The following CASTOR2 variants were observed in gnomAD, a reference collection of about 807,000 sequenced individuals.
The protein encoded by CASTOR2 is GATS protein like 2.
In CASTOR2, 8 loss-of-function variants were observed where a neutral mutation model predicts 31.2. The observed-to-expected ratio is 0.26, with a 90% CI of 0.15 to 0.46. The LOEUF is 0.46. CASTOR2 is among the 20% of genes least tolerant of loss of function. The pLI is 0.99. For synonymous variants in CASTOR2, 162 were observed against 158.7 expected (o/e 1.02, Z -0.16); for missense variants, 216 against 382.1 (o/e 0.57, Z 3.62).
At chr7:74,988,323 A>C (rs1469714581) in intron 1 of CASTOR2, among the ~76,000 whole-genome samples, 8 of 150,974 alleles carry the variant, frequency 5.3e-5, no homozygotes, top group African/African-American at 1.7e-4. Flanking sequence ...TTTGAGACTG[A>C]GTCTCACTCT....
intron 1 of CASTOR2, among the ~76,000 whole-genome samples, chr7:74,972,091 G>A (rs1421927878): frequency 6.8e-6 from 1 of 148,118 alleles, no homozygotes; most frequent in African/African-American, 2.5e-5. Flanking sequence ...GTATCCTCCT[G>A]CCTCAGCCGC....
At chr7:75,007,414 T>C (rs1449479359) in intron 1 of CASTOR2, among the ~76,000 whole-genome samples, 1 of 152,140 alleles carries the variant, frequency 6.6e-6, no homozygotes. Context: ...TCAGAGATGA[T>C]GTGAGGTGGG....
At position 75,025,192 on chromosome 7, in the gene CASTOR2, C is replaced by CT. The variant is rs1375067112; in HGVS notation, c.*494dup. ...GGTCTCTGCTTCCATCAGCTCAGGGCTGGTTCCCTCGGAGTGGAGGCCAGC... is the reference window on the plus strand; with the variant it reads ...GGTCTCTGCTTCCATCAGCTCAGGGCTTGGTTCCCTCGGAGTGGAGGCCAGC... On this transcript the variant is annotated 3_prime_UTR_variant, in exon 9 of 9. Coordinates refer to ENST00000616305, the MANE Select transcript of CASTOR2 (RefSeq NM_001145064.3). Among the ~76,000 whole-genome samples the CT allele has an allele frequency of 2.6e-5, 4 of 152,230 alleles. No individual in the cohort carries two copies. The highest frequency in any genetic ancestry group is 7.2e-5 in the African/African-American group (3 of 41,460).
chr7:75,024,624 C>T lies in CASTOR2; in HGVS notation c.925-10C>T. 3 of 1,551,566 alleles carry T rather than the reference C, an allele frequency of 1.9e-6. No homozygotes were observed. The highest frequency in any genetic ancestry group is 2.6e-6 in the Non-Finnish European group (3 of 1,146,838). ...ACGGGCAGGCATCTGCCTCCTCTAC[C>T]CCTGCACAGGTCCCCGAAGAGAACA... is the stretch of plus-strand genomic sequence containing the variant. On this transcript the variant is annotated splice_polypyrimidine_tract_variant and intron_variant, in intron 8 of 8. Coordinates refer to ENST00000616305, the MANE Select transcript of CASTOR2 (RefSeq NM_001145064.3).
chr7:74,970,255 C>G (rs1803650319), intron 1 of CASTOR2, among the ~76,000 whole-genome samples: 1 of 133,444 alleles, frequency 7.5e-6, no homozygotes, highest in Non-Finnish European at 1.7e-5. Context: ...TGAACCAGGC[C>G]TCTGCCCAGG....
At chr7:74,982,395 C>T (rs1288134739) in intron 1 of CASTOR2, among the ~76,000 whole-genome samples, 1 of 151,840 alleles carries the variant, frequency 6.6e-6, no homozygotes, top group Non-Finnish European at 1.5e-5. Flanking sequence ...GGGCTTGGCC[C>T]CAGGCGAGTG....
At chr7:75,011,658 C>T (rs1804748289) in intron 2 of CASTOR2, among the ~76,000 whole-genome samples, 1 of 149,714 alleles carries the variant, frequency 6.7e-6, no homozygotes, top group Non-Finnish European at 1.5e-5. Flanking sequence ...ATGTCGTGAA[C>T]CCGGGAGGCG....
At position 75,017,710 on chromosome 7, in the gene CASTOR2, C is replaced by T. The variant is rs1247500673; in HGVS notation, c.297C>T (p.Ile99=). ...CCCAGCCCATCGGCGTGACCAAGATCGCCAAGTCAGTCATCGCCCCACTGG... is the reference window on the plus strand; with the variant it reads ...CCCAGCCCATCGGCGTGACCAAGATTGCCAAGTCAGTCATCGCCCCACTGG... ...SSSQPIGVTK[I]AKSVIAPLAD... is the part of the protein sequence containing the mutation. The change falls in exon 3 of 9, where the codon ATC becomes ATT. Residue 99 remains isoleucine (I), a synonymous_variant. Transcript: ENST00000616305. The T allele has an allele frequency of 8.9e-5, 143 of 1,614,040 alleles. No individual in the cohort carries two copies. The African/African-American group carries it at 1.5e-3, about 16-fold the overall frequency.
chr7:75,025,832 A>G lies in CASTOR2; in HGVS notation c.*1133A>G, dbSNP rs943191577. On this transcript the variant is annotated 3_prime_UTR_variant, in exon 9 of 9. Transcript: ENST00000616305. Reference sequence around the variant, plus strand: ...TTTGAGTTCTGTCAAGGGAGCCTGGAGGCTCTGTGTCACTAAGCTGGTGCT... The same window carrying G: ...TTTGAGTTCTGTCAAGGGAGCCTGGGGGCTCTGTGTCACTAAGCTGGTGCT... Among the ~76,000 whole-genome samples the G allele has an allele frequency of 6.6e-6, 1 of 152,212 alleles. No individual in the cohort carries two copies. The highest frequency in any genetic ancestry group is 2.4e-5 in the African/African-American group (1 of 41,454).
chr7:74,994,539 AG>A (rs1804293633), intron 1 of CASTOR2, among the ~76,000 whole-genome samples: 1 of 152,128 alleles, frequency 6.6e-6, no homozygotes, highest in African/African-American at 2.4e-5. Flanking sequence ...TCATGAGATC[AG>A]GAGTTCGAGA....
At position 75,031,394 on chromosome 7, in the gene CASTOR2, T is replaced by C. The variant is rs1235503438; in HGVS notation, c.*6695T>C. On this transcript the variant is annotated 3_prime_UTR_variant, in exon 9 of 9. Coordinates refer to ENST00000616305, the MANE Select transcript of CASTOR2 (RefSeq NM_001145064.3). ...ACCCCCCCGGGGCCCTCAAGCTTAT[T>C]TTCTTGTTGAAGAAACACAAAACCC... Among the ~76,000 whole-genome samples the C allele has an allele frequency of 6.6e-6, 1 of 152,212 alleles. No homozygotes were observed. The highest frequency in any genetic ancestry group is 1.5e-5 in the Non-Finnish European group (1 of 68,038).
chr7:74,983,624 T>A (rs1316020349), intron 1 of CASTOR2, among the ~76,000 whole-genome samples: 1 of 151,762 alleles, frequency 6.6e-6, no homozygotes, highest in Middle Eastern at 3.4e-3. Context: ...CCTGACCCCC[T>A]CTGCAAGCTT....
In CASTOR2 at chr7:74,990,388, AAAAAAACAAAAAC is replaced by A. The variant is rs1278183709; in HGVS notation, c.114-17596_114-17584del. On this transcript the variant is annotated intron_variant, in intron 1 of 8. Transcript: ENST00000616305. Reference sequence around the variant, plus strand: ...GGATGGCGAGACTCTATCTCAAAAAAAAAAAACAAAAACAAAAAACAACAACAACAACAAAAAA... The same window carrying A: ...GGATGGCGAGACTCTATCTCAAAAAAAAAAAACAACAACAACAACAAAAAA... Among the ~76,000 whole-genome samples the A allele has an allele frequency of 5.0e-4, 75 of 151,484 alleles. 4 individuals carry two copies. Among genetic ancestry groups the A allele is most frequent in the African/African-American group, 1.8e-3 (73 of 41,388 alleles).
chr7:75,020,291 G>A (rs1804963737), intron 6 of CASTOR2, 142 bp downstream of exon 6: 1 of 819,304 alleles, frequency 1.2e-6, no homozygotes, highest in Non-Finnish European at 2.0e-6. Flanking sequence ...CGCCCAGGCT[G>A]GGGTGCAGTG....
chr7:74,993,771 G>C (rs1237603897), intron 1 of CASTOR2, among the ~76,000 whole-genome samples: 3 of 148,520 alleles, frequency 2.0e-5, no homozygotes, highest in African/African-American at 7.5e-5. Context: ...TTATTTGCTG[G>C]TGAACTGGTG....
chr7:75,027,882 C>T lies in CASTOR2; in HGVS notation c.*3183C>T. ...TTTTTCCCAGGCAGGGGCCGTCTGC[C>T]CTTGTCCCCCAGCTATCTCCTGGTC... On this transcript the variant is annotated 3_prime_UTR_variant, in exon 9 of 9. Transcript: ENST00000616305. 1.1e-6 allele frequency: 1 copy of T among 897,608 alleles called. No homozygotes were observed. The highest frequency in any genetic ancestry group is 1.4e-5 in the South Asian group (1 of 70,252). 55.6% of individuals were successfully genotyped at this position (897,608 alleles called of 1,614,324 possible).
intron 2 of CASTOR2, 96 bp from the exon 3 acceptor site, chr7:75,017,502 C>T (rs1554439982): frequency 1.4e-6 from 2 of 1,430,794 alleles, no homozygotes; most frequent in African/African-American, 1.4e-5. Context: ...GAGCTGGCCC[C>T]AGAGCATCAC....
chr7:75,030,827 A>G lies in CASTOR2; in HGVS notation c.*6128A>G, dbSNP rs1805282431. Reference sequence around the variant, plus strand: ...GAAGGGGCTGGGGCTGCCCGTGCTGACTCTTCAAAGGCATCCCATCCTGCA... The same window carrying G: ...GAAGGGGCTGGGGCTGCCCGTGCTGGCTCTTCAAAGGCATCCCATCCTGCA... On this transcript the variant is annotated 3_prime_UTR_variant, in exon 9 of 9. Transcript: ENST00000616305. 6.6e-6 allele frequency among the ~76,000 whole-genome samples: 1 copy of G among 151,952 alleles called. No homozygotes were observed. The highest frequency in any genetic ancestry group is 1.5e-5 in the Non-Finnish European group (1 of 67,990).
intron 2 of CASTOR2, among the ~76,000 whole-genome samples, chr7:75,016,964 C>T (rs1413656848): frequency 6.6e-5 from 10 of 151,790 alleles, no homozygotes; most frequent in Admixed American, 2.0e-4. Flanking sequence ...ATCAGGAGTT[C>T]GAGACCAGCC....
Sources: gnomAD v4.1 joint callset for allele counts (sites outside exome capture counted in the v4.1 genomes callset) on GRCh38, gnomAD v4.1.1 for gene constraint, MANE v1.5 for transcripts, NCBI Gene and HGNC (gene_info 2026-07-23, HGNC 2026-07-21) for gene names.